Variants in ACOT6 observed in about 807,000 individuals in gnomAD.
ACOT6 encodes acyl-coenzyme A thioesterase 6.
ACOT6 carries 14 observed loss-of-function variants against 12.3 expected under a neutral mutation model. That is an observed-to-expected ratio of 1.14 (90% CI 0.75 to 1.78). The LOEUF is 1.78. Among genes scored for constraint, ACOT6 ranks in the 40% most tolerant of loss-of-function variants. The probability of loss-of-function intolerance (pLI) is 0.00; values close to 1 mark genes in which losing one functional copy is unlikely to be tolerated. For synonymous variants in ACOT6, 218 were observed against 231.3 expected (o/e 0.94, Z 0.52); for missense variants, 523 against 551.8 (o/e 0.95, Z 0.52).
intron 1 of ACOT6, among the ~76,000 whole-genome samples, chr14:73,615,942 T>G (rs1890530269): frequency 6.6e-6 from 1 of 152,050 alleles, no homozygotes; most frequent in Non-Finnish European, 1.5e-5. Context: ...GCCTAGCTAC[T>G]TGGGAGGGTG....
intron 1 of ACOT6, among the ~76,000 whole-genome samples, chr14:73,613,814 T>A (rs1345673300): frequency 6.6e-6 from 1 of 152,084 alleles, no homozygotes; most frequent in African/African-American, 2.4e-5. Flanking sequence ...AAACACAGGA[T>A]GTTTGCTAGG....
upstream of ACOT6, chr14:73,611,026 T>C (rs1305653667): frequency 6.6e-6 from 1 of 152,214 alleles, no homozygotes; most frequent in Non-Finnish European, 1.5e-5. Context: ...CTTCTGTCAT[T>C]CTTTGCTGCC....
At chr14:73,616,918 T>G (rs1890550728) in intron 1 of ACOT6, 76 bp from the exon 2 acceptor site, 2 of 582,326 alleles carry the variant, frequency 3.4e-6, no homozygotes, top group Non-Finnish European at 3.1e-6. Context: ...CCAATCTCCT[T>G]GGCTTCAAAA....
Position 73,612,957 on chromosome 14 carries a change from T to C in ACOT6, c.386T>C (p.Phe129Ser). ...TGCCTGGCGCAGAACAAGCGCGACT[T>C]TCTCCGGCCGGGGGTGCGGCGCGAG... is the stretch of plus-strand genomic sequence containing the variant. ...LLCLAQNKRD[F>S]LRPGVRREPV... The change falls in exon 1 of 3, where the codon TTT becomes TCT. Residue 129 changes from phenylalanine to serine, a missense_variant. By Grantham distance (155) the Phe-to-Ser change is radical. Around this residue, in one of 2 missense-constraint regions of ACOT6, gnomAD observed 304 missense variants for 274.8 expected, o/e 1.11. Transcript: ENST00000645972. 1 of 1,244,038 alleles carries C rather than the reference T, an allele frequency of 8.0e-7. No homozygotes were observed. The highest frequency in any genetic ancestry group is 3.2e-5 in the Admixed American group (1 of 31,514). 77.1% of individuals were successfully genotyped at this position (1,244,038 alleles called of 1,614,324 possible).
Position 73,617,124 on chromosome 14 carries a change from G to A in ACOT6, c.592G>A (p.Glu198Lys), listed in dbSNP as rs767369669. Reference sequence around the variant, plus strand: ...TTATTTCAGATTTGAAGACCTCCCCGAAGATCTGAATGATGTACATCTGGA... The same window carrying A: ...TTATTTCAGATTTGAAGACCTCCCCAAAGATCTGAATGATGTACATCTGGA... ...LAYFRFEDLP[E>K]DLNDVHLEYF... Residue 198 changes from glutamate (E) to lysine (K), a missense_variant, in exon 2 of 3, where the codon GAA (glutamate) becomes AAA (lysine). Coordinates refer to ENST00000645972, the MANE Select transcript of ACOT6 (RefSeq NM_001365788.1). 75 of 1,611,808 alleles carry A rather than the reference G, an allele frequency of 4.7e-5. No individual in the cohort carries two copies. The highest frequency in any genetic ancestry group is 1.3e-4 in the East Asian group (6 of 44,882).
At chr14:73,614,448 A>C (rs956734464) in intron 1 of ACOT6, among the ~76,000 whole-genome samples, 5 of 152,056 alleles carry the variant, frequency 3.3e-5, no homozygotes, top group African/African-American at 1.2e-4. Context: ...TCAATAAATC[A>C]TACTGACTGG....
Position 73,619,611 on chromosome 14 carries a change from G to A in ACOT6, c.1038G>A (p.Gly346=), listed in dbSNP as rs370834726. 264 of 1,614,196 alleles carry A rather than the reference G, an allele frequency of 1.6e-4. No individual in the cohort carries two copies. The Middle Eastern group carries it at 2.5e-3, about 15-fold the overall frequency. The part of the protein sequence containing the change: ...QIASERLQAH[G]KERPQIICYP... ...CCTCTGAAAGGCTACAAGCTCATGG[G>A]AAAGAAAGACCCCAGATAATCTGTT... The change falls in exon 3 of 3, where the codon GGG becomes GGA. Residue 346 remains glycine, a synonymous_variant. Transcript: ENST00000645972.
At chr14:73,614,549 G>A (rs1890500927) in intron 1 of ACOT6, among the ~76,000 whole-genome samples, 1 of 151,468 alleles carries the variant, frequency 6.6e-6, no homozygotes, top group South Asian at 2.1e-4. Context: ...AGACTAGCCT[G>A]GCCAACATGG....
rs1335837626 is a variant in ACOT6, at chr14:73,619,617, A to C, written c.1044A>C (p.Glu348Asp). The change falls in exon 3 of 3, where the codon GAA (glutamate) becomes GAC (aspartate). Residue 348 changes from glutamate (E) to aspartate (D), a missense_variant. This residue lies in a region of ACOT6 where 219 missense variants were observed against 277.0 expected (regional missense o/e 0.79). Coordinates refer to ENST00000645972, the MANE Select transcript of ACOT6 (RefSeq NM_001365788.1). ...ASERLQAHGK[E>D]RPQIICYPET... is the part of the protein sequence containing the mutation. ...AAAGGCTACAAGCTCATGGGAAAGA[A>C]AGACCCCAGATAATCTGTTACCCAG... The C allele has an allele frequency of 6.2e-7, 1 of 1,614,086 alleles. No individual in the cohort carries two copies. The highest frequency in any genetic ancestry group is 1.3e-5 in the African/African-American group (1 of 74,936).
intron 2 of ACOT6, among the ~76,000 whole-genome samples, chr14:73,618,124 C>T (rs1191292460): frequency 6.6e-6 from 1 of 151,824 alleles, no homozygotes; most frequent in African/African-American, 2.4e-5. Context: ...GACTGGGCAA[C>T]AAGAATGAAA....
chr14:73,615,438 A>G (rs1245808689), intron 1 of ACOT6, among the ~76,000 whole-genome samples: 3 of 150,908 alleles, frequency 2.0e-5, no homozygotes, highest in African/African-American at 7.3e-5. Flanking sequence ...CAACAACGAA[A>G]AAAAAAACAA....
chr14:73,613,069 C>A, intron 1 of ACOT6, 37 bp downstream of exon 1: 3 of 584,740 alleles, frequency 5.1e-6, no homozygotes, highest in Non-Finnish European at 8.4e-6. Context: ...TCTGCGACCC[C>A]CACCGGCCCC....
upstream of ACOT6, among the ~76,000 whole-genome samples, chr14:73,612,322 G>A (rs903403193): frequency 6.6e-6 from 1 of 152,214 alleles, no homozygotes; most frequent in African/African-American, 2.4e-5. Flanking sequence ...GATCACAGGC[G>A]TGATCCACCG....
intron 1 of ACOT6, among the ~76,000 whole-genome samples, chr14:73,614,026 C>CCAA (rs1890493154): frequency 1.1e-5 from 1 of 92,994 alleles, no homozygotes; most frequent in Non-Finnish European, 2.1e-5. Context: ...TCTGTCTCTA[C>CCAA]AAAAAAAAAA....
intron 2 of ACOT6, among the ~76,000 whole-genome samples, chr14:73,618,381 T>C (rs1890574802): frequency 6.8e-6 from 1 of 146,294 alleles, no homozygotes; most frequent in South Asian, 2.1e-4. Flanking sequence ...CTTTTCTGGG[T>C]TCGTCGGTGT....
chr14:73,612,629 C>T lies in ACOT6; in HGVS notation c.58C>T (p.Arg20Cys). The T allele has an allele frequency of 7.1e-7, 1 of 1,407,672 alleles. No individual in the cohort carries two copies. The highest frequency in any genetic ancestry group is 9.3e-7 in the Non-Finnish European group (1 of 1,079,082). The allele number at this position is 1,407,672 out of a possible 1,614,324, so 87.2% of individuals were successfully genotyped here. The change falls in exon 1 of 3, where the codon CGC becomes TGC. Residue 20 changes from arginine (R) to cysteine (C), a missense_variant. Physicochemically the swap from Arg to Cys is radical, Grantham distance 180. Around this residue, in one of 2 missense-constraint regions of ACOT6, gnomAD observed 304 missense variants for 274.8 expected, o/e 1.11. Coordinates refer to ENST00000645972, the MANE Select transcript of ACOT6 (RefSeq NM_001365788.1). ...AGRCCWDEPL[R>C]IAVRGLAPEQ... The stretch of plus-strand genomic sequence containing the variant: ...CCGCTGCTGCTGGGACGAGCCGCTG[C>T]GCATCGCAGTGCGCGGCCTGGCCCC...
chr14:73,616,421 G>A lies in ACOT6; in HGVS notation c.462-573G>A, dbSNP rs181013598. ...CATTAAAAAGTTTTAGGCCGGTTGC[G>A]GTGGCTCACACCTGTAATCGCAGCA... is the stretch of plus-strand genomic sequence containing the variant. On this transcript the variant is annotated intron_variant, in intron 1 of 2. Transcript: ENST00000645972. Among the ~76,000 whole-genome samples, 13 of 152,102 alleles carry A rather than the reference G, an allele frequency of 8.5e-5. No individual in the cohort carries two copies. The East Asian group carries it at 1.2e-3, about 14-fold the overall frequency.
intron 1 of ACOT6, 30 bp downstream of exon 1, chr14:73,613,062 G>A: frequency 3.2e-6 from 2 of 624,800 alleles, no homozygotes; most frequent in Non-Finnish European, 2.5e-6. Context: ...GTCGAGCTCT[G>A]CGACCCCCAC....
chr14:73,613,034 T>G lies in ACOT6; in HGVS notation c.461+2T>G, dbSNP rs1353762500. 2.5e-6 allele frequency: 2 copies of G among 790,438 alleles called. No individual in the cohort carries two copies. The highest frequency in any genetic ancestry group is 3.7e-6 in the Non-Finnish European group (2 of 542,450). The allele number at this position is 790,438 out of a possible 1,614,324, so 49.0% of individuals were successfully genotyped here. On this transcript the variant is annotated splice_donor_variant, in intron 1 of 2. Coordinates refer to ENST00000645972, the MANE Select transcript of ACOT6 (RefSeq NM_001365788.1). LOFTEE classifies it high-confidence loss of function. ...CGCGCTCTTCCTGCCGCCGGATGAG[T>G]AGTCTGCCCAGAATTTGGTCGAGCT...
Sources: gnomAD v4.1 joint callset for allele counts (sites outside exome capture counted in the v4.1 genomes callset) on GRCh38, gnomAD v4.1.1 for gene constraint, gnomAD v4.1.1 regional missense constraint, MANE v1.5 for transcripts, NCBI Gene and HGNC (gene_info 2026-07-23, HGNC 2026-07-21) for gene names.